PTK2: variants seen among roughly 807,000 people sequenced by gnomAD.
The protein encoded by PTK2 is protein tyrosine kinase 2.
A neutral mutation model predicts 150.1 loss-of-function variants in PTK2; 45 were observed. The observed-to-expected ratio is 0.30, with a 90% CI of 0.24 to 0.38. The LOEUF is 0.38. Among genes scored for constraint, PTK2 ranks in the 10% least tolerant of loss-of-function variants. The pLI is 1.00. For synonymous variants in PTK2, 432 were observed against 449.2 expected (o/e 0.96, Z 0.48); for missense variants, 919 against 1,307.3 (o/e 0.70, Z 4.58).
chr8:140,867,466 C>T (rs1035735796), intron 4 of PTK2, among the ~76,000 whole-genome samples: 1 of 152,142 alleles, frequency 6.6e-6, no homozygotes, highest in African/African-American at 2.4e-5. Flanking sequence ...GAAGAAAAGG[C>T]ACCTATGTCT....
At chr8:140,838,227 A>G (rs1305012474) in intron 7 of PTK2, among the ~76,000 whole-genome samples, 2 of 152,254 alleles carry the variant, frequency 1.3e-5, no homozygotes, top group African/African-American at 2.4e-5. Context: ...AATAAGAAAC[A>G]AGCAGTATTC....
chr8:140,717,500 T>G, intron 23 of PTK2, 98 bp downstream of exon 26: 4 of 907,420 alleles, frequency 4.4e-6, no homozygotes, highest in Non-Finnish European at 7.3e-6. Context: ...TAGAATAACC[T>G]GATATTTGAC....
At chr8:140,991,431 C>T (rs2100195666) in intron 1 of PTK2, among the ~76,000 whole-genome samples, 1 of 152,156 alleles carries the variant, frequency 6.6e-6, no homozygotes, top group Non-Finnish European at 1.5e-5. Flanking sequence ...AAATTCCAAA[C>T]CAAGATTAAA....
chr8:140,671,205 T>C (rs1452924051), intron 29 of PTK2, among the ~76,000 whole-genome samples: 4 of 152,248 alleles, frequency 2.6e-5, no homozygotes, highest in Non-Finnish European at 4.4e-5. Context: ...ATTTTAGTTA[T>C]ACATAAAAGT....
At chr8:140,927,975 A>AAAAAAAAAAAAAAAAAAATAT in intron 1 of PTK2, among the ~76,000 whole-genome samples, 1 of 48,196 alleles carries the variant, frequency 2.1e-5, no homozygotes, top group East Asian at 8.1e-4. Flanking sequence ...AAAAAAAAAA[A>AAAAAAAAAAAAAAAAAAATAT]ATATATATAT....
intron 16 of PTK2, among the ~76,000 whole-genome samples, chr8:140,753,895 A>G (rs2100064172): frequency 6.6e-6 from 1 of 152,218 alleles, no homozygotes; most frequent in Non-Finnish European, 1.5e-5. Context: ...AATTAATGCT[A>G]TTAATATATT....
At chr8:140,882,834 T>A (rs974277175) in intron 3 of PTK2, among the ~76,000 whole-genome samples, 1 of 152,204 alleles carries the variant, frequency 6.6e-6, no homozygotes, top group Non-Finnish European at 1.5e-5. Flanking sequence ...CTGAAACATT[T>A]TGATAAGCAC....
chr8:140,838,462 A>G (rs1445340950), intron 7 of PTK2, among the ~76,000 whole-genome samples: 1 of 152,198 alleles, frequency 6.6e-6, no homozygotes, highest in Non-Finnish European at 1.5e-5. Flanking sequence ...CAGCCTTTAC[A>G]ATGGCCAAAT....
intron 1 of PTK2, among the ~76,000 whole-genome samples, chr8:140,934,201 A>C (rs554169292): frequency 6.6e-6 from 1 of 152,204 alleles, no homozygotes; most frequent in Admixed American, 6.5e-5. Flanking sequence ...TTGAAGATAA[A>C]CCCTTGGCTT....
intron 1 of PTK2, among the ~76,000 whole-genome samples, chr8:140,968,284 T>C (rs1405245101): frequency 3.9e-5 from 6 of 152,180 alleles, no homozygotes; most frequent in African/African-American, 1.4e-4. Context: ...TTTAGATCAA[T>C]ATAAATCAGG....
chr8:140,863,001 C>G (rs1163761897), intron 5 of PTK2, among the ~76,000 whole-genome samples: 1 of 152,164 alleles, frequency 6.6e-6, no homozygotes, highest in Admixed American at 6.5e-5. Context: ...CCGCCAACAG[C>G]TGGAAACTTC....
chr8:140,669,301 G>GTATGTA (rs547959878), intron 29 of PTK2: 7 of 97,992 alleles, frequency 7.1e-5, no homozygotes, highest in African/African-American at 3.3e-4. Flanking sequence ...GCATAAAATG[G>GTATGTA]TATATATATA....
intron 26 of PTK2, among the ~76,000 whole-genome samples, chr8:140,688,749 A>G (rs1341960472): frequency 6.6e-6 from 1 of 152,224 alleles, no homozygotes; most frequent in East Asian, 1.9e-4. Context: ...GTAAACCAGA[A>G]AAGTTCAGAA....
intron 8 of PTK2, among the ~76,000 whole-genome samples, chr8:140,829,739 A>T: frequency 6.6e-6 from 1 of 152,168 alleles, no homozygotes; most frequent in East Asian, 1.9e-4. Flanking sequence ...TAATCTGTTA[A>T]ATATTCACAT....
chr8:140,765,772 C>A (rs1006679433), intron 14 of PTK2, among the ~76,000 whole-genome samples: 1 of 152,096 alleles, frequency 6.6e-6, no homozygotes, highest in Non-Finnish European at 1.5e-5. Context: ...TATCAAAACA[C>A]CCTGTGAAAG....
chr8:141,000,087 T>TCTCACACACACACACACA (rs765058833), intron 1 of PTK2, among the ~76,000 whole-genome samples: 11 of 81,608 alleles, frequency 1.3e-4, no homozygotes, highest in Non-Finnish European at 1.5e-4. Context: ...TGAAACCAAT[T>TCTCACACACACACACACA]CACACACACA....
chr8:140,693,564 T>TTAAAAAAAAAAAAAAAA lies in PTK2; in HGVS notation c.2500-6871_2500-6870insTTTTTTTTTTTTTTTTA, dbSNP rs1181421194. Among the ~76,000 whole-genome samples, 10 of 72,458 alleles carry TTAAAAAAAAAAAAAAAA rather than the reference T, an allele frequency of 1.4e-4. 4 individuals carry two copies. The highest frequency in any genetic ancestry group is 6.0e-4 in the African/African-American group (10 of 16,620). 47.5% of individuals were successfully genotyped at this position (72,458 alleles called of 152,430 possible). A position where few individuals can be genotyped will look rare whatever the true frequency, so the allele number is the denominator to read the frequency against. ...CCACAGAGTGAGACTTTGTCTCAAT[T>TTAAAAAAAAAAAAAAAA]AAAAAAAAAAAAAAAAAAAAAAAAA... On this transcript the variant is annotated intron_variant, in intron 26 of 31. Coordinates refer to ENST00000522684, the Ensembl canonical transcript of PTK2.
intron 1 of PTK2, among the ~76,000 whole-genome samples, chr8:140,999,698 A>G (rs1029478983): frequency 1.3e-5 from 2 of 152,214 alleles, no homozygotes; most frequent in Non-Finnish European, 2.9e-5. Flanking sequence ...TATGGGACGG[A>G]GTGCTCAACT....
At chr8:140,950,454 G>A (rs2100179201) in intron 1 of PTK2, among the ~76,000 whole-genome samples, 1 of 152,232 alleles carries the variant, frequency 6.6e-6, no homozygotes, top group South Asian at 2.1e-4. Flanking sequence ...CCAGTGCCTG[G>A]AGCTGCCCAC....
Sources: allele counts gnomAD v4.1 joint callset (sites outside exome capture counted in the v4.1 genomes callset), GRCh38; gene constraint gnomAD v4.1.1; transcripts MANE v1.5; gene names NCBI Gene and HGNC (gene_info 2026-07-23, HGNC 2026-07-21).